Variants in HEG1 observed in about 807,000 individuals in gnomAD.
The protein encoded by HEG1 is heart development protein with EGF like domains 1, also known as protein HEG homolog 1.
HEG1 carries 56 observed loss-of-function variants against 125.6 expected under a neutral mutation model. The observed-to-expected ratio is 0.45, with a 90% confidence interval of 0.36 to 0.56. HEG1 has a LOEUF of 0.56. Ranked by LOEUF, HEG1 falls within the 20% of genes least tolerant of loss-of-function variation. HEG1 has a pLI of 0.00. For synonymous variants in HEG1, 644 were observed against 668.5 expected, an observed-to-expected ratio of 0.96 and a Z score of 0.57; for missense variants, 1,523 against 1,670.0, an observed-to-expected ratio of 0.91 and a Z score of 1.53.
intron 14 of HEG1, among the ~76,000 whole-genome samples, chr3:124,987,467 T>C (rs1294719401): frequency 1.3e-5 from 2 of 151,988 alleles, no homozygotes; most frequent in African/African-American, 2.4e-5. Context: ...GCACACGTGA[T>C]ACAGGTCTGC....
chr3:125,041,194 C>T (rs1249168711), intron 1 of HEG1, among the ~76,000 whole-genome samples: 1 of 152,206 alleles, frequency 6.6e-6, no homozygotes, highest in African/African-American at 2.4e-5. Flanking sequence ...TACTGACTAG[C>T]ATCCATACTG....
intron 5 of HEG1, among the ~76,000 whole-genome samples, chr3:125,016,800 C>T (rs1937255397): frequency 6.6e-6 from 1 of 152,234 alleles, no homozygotes; most frequent in African/African-American, 2.4e-5. Flanking sequence ...TCAGCTAATA[C>T]ATTTTTGCTT....
chr3:124,990,078 C>G (rs545078216), intron 14 of HEG1, among the ~76,000 whole-genome samples: 10 of 152,138 alleles, frequency 6.6e-5, no homozygotes, highest in East Asian at 3.9e-4. Flanking sequence ...GTCCTCCCCC[C>G]ATACCCGCCA....
chr3:125,009,859 T>C (rs1280168616), intron 7 of HEG1, 35 bp from the exon 8 acceptor site: 1 of 1,587,484 alleles, frequency 6.3e-7, no homozygotes, highest in Admixed American at 1.8e-5. Flanking sequence ...ATCTTGCATC[T>C]GTAGCAAACA....
At chr3:125,049,579 T>C in intron 1 of HEG1, among the ~76,000 whole-genome samples, 1 of 152,226 alleles carries the variant, frequency 6.6e-6, no homozygotes, top group South Asian at 2.1e-4. Context: ...CGGCTGAAAC[T>C]GAAGGAGCCC....
At chr3:125,021,694 G>C (rs535210759) in intron 3 of HEG1, among the ~76,000 whole-genome samples, 71 of 152,178 alleles carry the variant, frequency 4.7e-4, no homozygotes, top group African/African-American at 1.7e-3. Context: ...CACCATCAAG[G>C]GTTCTTTATT....
At chr3:124,974,240 G>A (rs905358462) in intron 15 of HEG1, among the ~76,000 whole-genome samples, 1 of 151,976 alleles carries the variant, frequency 6.6e-6, no homozygotes, top group African/African-American at 2.4e-5. Context: ...GGAAAACAAG[G>A]GTCATAAATT....
In HEG1 at chr3:125,001,242, T is replaced by A. The variant is rs191118854; in HGVS notation, c.3517+610A>T. On this transcript the variant is annotated intron_variant, in intron 11 of 16. Coordinates refer to ENST00000311127, the MANE Select transcript of HEG1 (RefSeq NM_020733.2). ...GGGTAATACTGCACATGCTTTTTTT[T>A]TTTTTAACCTAATAATGTATCATGA... Among the ~76,000 whole-genome samples the A allele has an allele frequency of 3.9e-5, 6 of 152,290 alleles. No homozygotes were observed. The East Asian group carries it at 9.6e-4, about 24-fold the overall frequency.
chr3:124,994,272 T>C, intron 12 of HEG1, among the ~76,000 whole-genome samples: 1 of 152,210 alleles, frequency 6.6e-6, no homozygotes, highest in East Asian at 1.9e-4. Flanking sequence ...AACTCAGCTG[T>C]GCAGCCCAGT....
intron 11 of HEG1, among the ~76,000 whole-genome samples, chr3:125,001,179 G>C (rs1375574611): frequency 1.3e-5 from 2 of 151,706 alleles, no homozygotes; most frequent in African/African-American, 4.8e-5. Flanking sequence ...TTTTGTTTCT[G>C]TGCATTTATA....
At chr3:124,989,095 G>A (rs1318397082) in intron 14 of HEG1, among the ~76,000 whole-genome samples, 1 of 152,168 alleles carries the variant, frequency 6.6e-6, no homozygotes, top group African/African-American at 2.4e-5. Context: ...AATCCTAAAT[G>A]GATATGTAAT....
intron 1 of HEG1, among the ~76,000 whole-genome samples, chr3:125,031,026 A>C (rs1044285646): frequency 1.3e-5 from 2 of 152,360 alleles, no homozygotes; most frequent in Admixed American, 6.5e-5. Context: ...ATAACACCCA[A>C]GATGGTGGCA....
chr3:125,053,871 C>T (rs9857249), intron 1 of HEG1, among the ~76,000 whole-genome samples: 5,117 of 152,208 alleles, frequency 0.034, 170 homozygotes, highest in East Asian at 0.12. Flanking sequence ...CCTGTAATAC[C>T]TACCTCTCTC....
rs182722579 is a variant in HEG1, at chr3:124,990,141, T to C, written c.3733+646A>G. On this transcript the variant is annotated intron_variant, in intron 14 of 16. Transcript: ENST00000311127. ...ATTCCACTCCCTCCAAGAAGTACTG[T>C]CGAGTGTCCTCTCATTCTTCTGTGG... is the stretch of plus-strand genomic sequence containing the variant. 3.3e-3 allele frequency among the ~76,000 whole-genome samples: 495 copies of C among 152,174 alleles called. 4 individuals are homozygous for C. The highest frequency in any genetic ancestry group is 0.011 in the African/African-American group (469 of 41,500).
Position 125,013,873 on chromosome 3 carries a change from A to C in HEG1, c.1706T>G (p.Leu569Arg). The C allele has an allele frequency of 6.2e-7, 1 of 1,613,968 alleles. No homozygotes were observed. Among genetic ancestry groups the C allele is most frequent in the Non-Finnish European group, 8.5e-7 (1 of 1,179,866 alleles). ...STFTKGERAL[L>R]SITDNSSSSD... is the part of the protein sequence containing the mutation. ...GGATGAACTGTTATCTGTAATGGACAGTAACGCCCGTTCTCCTTTGGTGAA... is the reference window on the plus strand; with the variant it reads ...GGATGAACTGTTATCTGTAATGGACCGTAACGCCCGTTCTCCTTTGGTGAA... Residue 569 changes from leucine to arginine, a missense_variant, in exon 6 of 17, where the codon CTG (leucine) becomes CGG (arginine). By Grantham distance (102) the Leu-to-Arg change is moderately radical. Transcript: ENST00000311127.
In HEG1 at chr3:125,013,572, A is replaced by C; in HGVS notation, c.2007T>G (p.Ser669=). Residue 669 remains serine (S), a synonymous_variant, in exon 6 of 17, where the codon TCT becomes TCG. Transcript: ENST00000311127. ...SSSSSSSSSS[S]SSSGPPLPLP... ...GAGGCAAAGGAGGCCCTGAAGAAGA[A>C]GAAGAGGAGGAGGAGGAAGAGGAGG... The C allele has an allele frequency of 2.5e-6, 4 of 1,592,202 alleles. No homozygotes were observed. The South Asian group carries it at 4.5e-5, about 18-fold the overall frequency.
intron 1 of HEG1, 36 bp from the exon 2 acceptor site, chr3:125,029,524 C>A (rs368063856): frequency 6.4e-7 from 1 of 1,565,782 alleles, no homozygotes; most frequent in Non-Finnish European, 8.6e-7. Flanking sequence ...GGAGAGTTTG[C>A]TGGCTTCTGA....
chr3:125,012,956 T>A lies in HEG1; in HGVS notation c.2623A>T (p.Thr875Ser), dbSNP rs183321802. ...AGCGAGAGCTGTTTTCCAGCTGTAGTCTGTACGGCTATAGGGCCAGTGACC... is the reference window on the plus strand; with the variant it reads ...AGCGAGAGCTGTTTTCCAGCTGTAGACTGTACGGCTATAGGGCCAGTGACC... Reference protein sequence around the residue: ...SLVTGPIAVQTTAGKQLSLTH... With the variant: ...SLVTGPIAVQSTAGKQLSLTH... The change falls in exon 6 of 17, where the codon ACT (threonine) becomes TCT (serine). Residue 875 changes from threonine to serine, a missense_variant. Thr to Ser is a moderately conservative substitution (Grantham distance 58, BLOSUM62 1). Transcript: ENST00000311127. The A allele has an allele frequency of 1.1e-4, 180 of 1,614,046 alleles. 1 individual carries two copies. The East Asian group carries it at 3.1e-3, about 28-fold the overall frequency.
At chr3:125,055,499 C>T (rs2107717134) in intron 1 of HEG1, 76 bp downstream of exon 1, 2 of 1,010,208 alleles carry the variant, frequency 2.0e-6, no homozygotes, top group Non-Finnish European at 2.5e-6. Flanking sequence ...GGGCCTACGG[C>T]TGGGGATGCA....
Sources: gnomAD v4.1 joint callset for allele counts (sites outside exome capture counted in the v4.1 genomes callset) on GRCh38, gnomAD v4.1.1 for gene constraint, MANE v1.5 for transcripts, NCBI Gene and HGNC (gene_info 2026-07-23, HGNC 2026-07-21) for gene names.